The following TRPC4 variants were observed in gnomAD, a reference collection of about 807,000 sequenced individuals.
TRPC4 encodes short transient receptor potential channel 4.
Under a neutral mutation model 99.4 loss-of-function variants are expected in TRPC4, and 49 were observed. That is an observed-to-expected ratio of 0.49 (90% CI 0.39 to 0.63). The LOEUF (loss-of-function observed/expected upper bound fraction) is 0.63. Ranked by LOEUF, TRPC4 falls within the 20% of genes least tolerant of loss-of-function variation. The probability of loss-of-function intolerance (pLI) is 0.00; values close to 1 mark genes in which losing one functional copy is unlikely to be tolerated. For synonymous variants in TRPC4, 454 were observed against 425.9 expected (o/e 1.07, Z -0.81); for missense variants, 898 against 1,152.9 (o/e 0.78, Z 3.20).
chr13:37,715,231 T>C (rs141174549), intron 3 of TRPC4, among the ~76,000 whole-genome samples: 4 of 152,166 alleles, frequency 2.6e-5, no homozygotes, highest in African/African-American at 9.6e-5. Flanking sequence ...CCACGTGATA[T>C]TGCCAAAGCC....
intron 1 of TRPC4, among the ~76,000 whole-genome samples, chr13:37,846,057 C>G (rs2139658399): frequency 1.3e-5 from 2 of 152,038 alleles, no homozygotes; most frequent in South Asian, 4.2e-4. Flanking sequence ...AATGGCCAAC[C>G]AAGAATACTT....
At position 37,783,852 on chromosome 13, in the gene TRPC4, G is replaced by C. The variant is rs149970069; in HGVS notation, c.-27-492C>G. Among the ~76,000 whole-genome samples the C allele has an allele frequency of 9.3e-3, 1,408 of 151,848 alleles. 21 individuals carry two copies. Among genetic ancestry groups the C allele is most frequent in the African/African-American group, 0.032 (1,338 of 41,458 alleles). On this transcript the variant is annotated intron_variant, in intron 1 of 10. Coordinates refer to ENST00000379705, the MANE Select transcript of TRPC4 (RefSeq NM_016179.4). Reference sequence around the variant, plus strand: ...AATATTGTTAATTTGTCATATATTTGTTTTTTGTTTTGTTTTGTTTTGTTT... The same window carrying C: ...AATATTGTTAATTTGTCATATATTTCTTTTTTGTTTTGTTTTGTTTTGTTT...
intron 3 of TRPC4, among the ~76,000 whole-genome samples, chr13:37,731,088 G>T (rs1403171459): frequency 6.6e-6 from 1 of 151,926 alleles, no homozygotes; most frequent in Non-Finnish European, 1.5e-5. Flanking sequence ...GTATAAAAAT[G>T]AGATAATACA....
At chr13:37,639,992 A>G (rs1951666655) in intron 8 of TRPC4, among the ~76,000 whole-genome samples, 1 of 151,884 alleles carries the variant, frequency 6.6e-6, no homozygotes, top group South Asian at 2.1e-4. Flanking sequence ...GGATTGTTTA[A>G]TGATTGAAAA....
At chr13:37,773,124 G>C (rs1956600629) in intron 2 of TRPC4, among the ~76,000 whole-genome samples, 2 of 151,812 alleles carry the variant, frequency 1.3e-5, no homozygotes, top group African/African-American at 4.8e-5. Context: ...CAGGACACTT[G>C]CTCCATCAAA....
intron 1 of TRPC4, among the ~76,000 whole-genome samples, chr13:37,837,746 G>A (rs1418614142): frequency 6.6e-6 from 1 of 152,084 alleles, no homozygotes; most frequent in Non-Finnish European, 1.5e-5. Context: ...TAAGATTTTG[G>A]GGGACTGTTG....
At chr13:37,754,042 C>T (rs2139205815) in intron 2 of TRPC4, among the ~76,000 whole-genome samples, 1 of 152,212 alleles carries the variant, frequency 6.6e-6, no homozygotes, top group East Asian at 1.9e-4. Flanking sequence ...TGGTTGACTG[C>T]AGCTGAGGCA....
rs369211542 is a variant in TRPC4 at position 37,741,934 on chromosome 13, G to GAAAA, written c.897+3999_897+4002dup. Reference sequence around the variant, plus strand: ...CCCTCTGTGACTCCGATTTTTTCATGAAAAAAAAAAAACAGCAACAAATAG... The same window carrying GAAAA: ...CCCTCTGTGACTCCGATTTTTTCATGAAAAAAAAAAAAAAAACAGCAACAAATAG... On this transcript the variant is annotated intron_variant, in intron 3 of 10. Transcript: ENST00000379705. Among the ~76,000 whole-genome samples the GAAAA allele has an allele frequency of 1.7e-3, 245 of 145,790 alleles. 2 individuals are homozygous for GAAAA. Among genetic ancestry groups the GAAAA allele is most frequent in the African/African-American group, 5.8e-3 (232 of 39,956 alleles).
intron 4 of TRPC4, among the ~76,000 whole-genome samples, chr13:37,681,895 A>G (rs1453979941): frequency 2.6e-5 from 4 of 152,232 alleles, no homozygotes; most frequent in African/African-American, 9.6e-5. Context: ...CAAATGAGTC[A>G]GAGAACTTCC....
At chr13:37,750,698 T>G (rs1955909711) in intron 2 of TRPC4, among the ~76,000 whole-genome samples, 1 of 152,112 alleles carries the variant, frequency 6.6e-6, no homozygotes, top group Admixed American at 6.6e-5. Flanking sequence ...GTGCAGAATG[T>G]GCAGGTTTGT....
chr13:37,706,409 A>G (rs1954279015), intron 3 of TRPC4, among the ~76,000 whole-genome samples: 1 of 152,154 alleles, frequency 6.6e-6, no homozygotes. Flanking sequence ...CCAGGAGATC[A>G]CTGGGTTGCT....
chr13:37,764,737 A>G (rs1956313423), intron 2 of TRPC4, among the ~76,000 whole-genome samples: 1 of 149,230 alleles, frequency 6.7e-6, no homozygotes, highest in South Asian at 2.1e-4. Context: ...TGTCTATTCC[A>G]TTCTTGGTTT....
At chr13:37,784,565 A>T (rs1007674524) in intron 1 of TRPC4, among the ~76,000 whole-genome samples, 21 of 152,010 alleles carry the variant, frequency 1.4e-4, no homozygotes, top group African/African-American at 4.8e-4. Context: ...TTGAACTCAC[A>T]TATTTATTTG....
chr13:37,810,637 G>T (rs984824154), intron 1 of TRPC4, among the ~76,000 whole-genome samples: 1 of 151,966 alleles, frequency 6.6e-6, no homozygotes, highest in Admixed American at 6.6e-5. Flanking sequence ...GTTAACAAAT[G>T]ATTTTAAAGA....
intron 3 of TRPC4, among the ~76,000 whole-genome samples, chr13:37,718,980 A>G (rs1490673763): frequency 1.3e-5 from 2 of 152,164 alleles, no homozygotes; most frequent in South Asian, 2.1e-4. Flanking sequence ...AACACATTAT[A>G]GTCAAACTTC....
At chr13:37,787,115 T>C (rs1956991051) in intron 1 of TRPC4, among the ~76,000 whole-genome samples, 1 of 151,888 alleles carries the variant, frequency 6.6e-6, no homozygotes, top group Non-Finnish European at 1.5e-5. Flanking sequence ...ACAGTGAATT[T>C]GAGTTCCAAG....
chr13:37,708,101 C>T (rs578183736), intron 3 of TRPC4, among the ~76,000 whole-genome samples: 2 of 152,124 alleles, frequency 1.3e-5, no homozygotes, highest in South Asian at 4.2e-4. Context: ...AGAAAATAGG[C>T]CTCCATACTT....
chr13:37,638,387 A>G (rs879550749), intron 10 of TRPC4, among the ~76,000 whole-genome samples: 4 of 151,874 alleles, frequency 2.6e-5, no homozygotes, highest in Non-Finnish European at 5.9e-5. Context: ...CTAATTCACT[A>G]CTTCATTCTC....
chr13:37,684,575 T>C (rs1347191843), intron 4 of TRPC4, among the ~76,000 whole-genome samples: 2 of 152,094 alleles, frequency 1.3e-5, no homozygotes, highest in Non-Finnish European at 2.9e-5. Flanking sequence ...AATGCTTATG[T>C]AGATAGGAAG....
Sources: allele counts gnomAD v4.1 joint callset (sites outside exome capture counted in the v4.1 genomes callset), GRCh38; gene constraint gnomAD v4.1.1; transcripts MANE v1.5; gene names NCBI Gene and HGNC (gene_info 2026-07-23, HGNC 2026-07-21).